The following RB1 variants were observed in gnomAD, a reference collection of about 807,000 sequenced individuals.
The protein encoded by RB1 is RB transcriptional corepressor 1, also known as retinoblastoma-associated protein.
A neutral mutation model predicts 135.4 loss-of-function variants in RB1; 18 were observed. The observed-to-expected ratio is 0.13, with a 90% CI of 0.09 to 0.20. The LOEUF (loss-of-function observed/expected upper bound fraction) is 0.20. Ranked by LOEUF, RB1 falls within the 10% of genes least tolerant of loss-of-function variation. RB1 has a pLI of 1.00. For missense variants in RB1, 868 were observed against 1,110.0 expected, an observed-to-expected ratio of 0.78 and a Z score of 3.10; for synonymous variants, 365 against 373.2, an observed-to-expected ratio of 0.98 and a Z score of 0.25.
intron 5 of RB1, 135 bp from the exon 6 acceptor site, chr13:48,348,821 C>G: frequency 1.0e-6 from 1 of 963,346 alleles, no homozygotes. Flanking sequence ...AAATGGACTG[C>G]ATTCTATTAT....
At chr13:48,356,214 A>T (rs1952589690) in intron 6 of RB1, among the ~76,000 whole-genome samples, 1 of 152,072 alleles carries the variant, frequency 6.6e-6, no homozygotes, top group Non-Finnish European at 1.5e-5. Context: ...ATTAAAATTT[A>T]AAAAATTATG....
rs114307859 is a variant in RB1 at position 48,425,210 on chromosome 13, A to G, written c.1696-27783A>G. Among the ~76,000 whole-genome samples, 960 of 152,332 alleles carry G rather than the reference A, an allele frequency of 6.3e-3. 11 individuals are homozygous for G. The highest frequency in any genetic ancestry group is 0.022 in the African/African-American group (913 of 41,572). ...AATGAAGGCTAGCCTTTACAGTTGAATACAAATTTTAAATTTCAGGTCTTG... is the reference window on the plus strand; with the variant it reads ...AATGAAGGCTAGCCTTTACAGTTGAGTACAAATTTTAAATTTCAGGTCTTG... On this transcript the variant is annotated intron_variant, in intron 17 of 26. Coordinates refer to ENST00000267163, the MANE Select transcript of RB1 (RefSeq NM_000321.3).
intron 17 of RB1, among the ~76,000 whole-genome samples, chr13:48,392,012 G>T (rs1000025805): frequency 1.3e-5 from 2 of 152,168 alleles, no homozygotes; most frequent in East Asian, 1.9e-4. Flanking sequence ...ATTTTTAAAA[G>T]GTCTTTTGCT....
At chr13:48,410,705 G>T (rs919056393) in intron 17 of RB1, among the ~76,000 whole-genome samples, 1 of 151,906 alleles carries the variant, frequency 6.6e-6, no homozygotes, top group Non-Finnish European at 1.5e-5. Flanking sequence ...TTTTGAAATT[G>T]GGTGCATTAT....
At chr13:48,339,374 G>A (rs139252308) in intron 2 of RB1, among the ~76,000 whole-genome samples, 1,692 of 152,286 alleles carry the variant, frequency 0.011, 46 homozygotes, top group African/African-American at 0.039. Flanking sequence ...CAGCAATGGC[G>A]GGCGCCCCTC....
At chr13:48,371,977 A>C (rs1952763357) in intron 11 of RB1, among the ~76,000 whole-genome samples, 1 of 152,170 alleles carries the variant, frequency 6.6e-6, no homozygotes, top group East Asian at 1.9e-4. Flanking sequence ...TGAGGGATCT[A>C]GATTGTATGC....
intron 17 of RB1, among the ~76,000 whole-genome samples, chr13:48,422,154 T>A (rs1949015866): frequency 6.6e-6 from 1 of 152,226 alleles, no homozygotes; most frequent in Non-Finnish European, 1.5e-5. Flanking sequence ...AAAGAAAATG[T>A]GGCACATATA....
chr13:48,413,841 T>A (rs970559863), intron 17 of RB1, among the ~76,000 whole-genome samples: 2 of 151,124 alleles, frequency 1.3e-5, no homozygotes, highest in Admixed American at 6.6e-5. Context: ...TTAAGCAAAA[T>A]TTTTTTAACC....
rs371337708 is a variant in RB1 at position 48,481,786 on chromosome 13, CT to C, written c.*1721del. 1 of 227,662 alleles carries C rather than the reference CT, an allele frequency of 4.4e-6. No individual in the cohort carries two copies. The highest frequency in any genetic ancestry group is 2.2e-5 in the African/African-American group (1 of 45,136). 14.1% of individuals were successfully genotyped at this position (227,662 alleles called of 1,614,324 possible). A position where few individuals can be genotyped will look rare whatever the true frequency, so the allele number is the denominator to read the frequency against. On this transcript the variant is annotated 3_prime_UTR_variant, in exon 27 of 27. Transcript: ENST00000267163. The stretch of plus-strand genomic sequence containing the variant: ...TGCTTCAGATATTATTGCTTTATTG[CT>C]TTTTTGTATTGGTTAAAACTGTACA...
chr13:48,474,344 A>G (rs893454488), intron 24 of RB1, among the ~76,000 whole-genome samples: 3 of 152,164 alleles, frequency 2.0e-5, no homozygotes, highest in African/African-American at 7.2e-5. Flanking sequence ...CCCACCAAGT[A>G]TCACCTCATT....
At chr13:48,349,536 T>C (rs1952527972) in intron 6 of RB1, among the ~76,000 whole-genome samples, 1 of 151,494 alleles carries the variant, frequency 6.6e-6, no homozygotes, top group South Asian at 2.1e-4. Context: ...AAACATACAA[T>C]GTAGACATGA....
chr13:48,370,509 G>T (rs1383377512), intron 11 of RB1, among the ~76,000 whole-genome samples: 1 of 152,138 alleles, frequency 6.6e-6, no homozygotes, highest in Non-Finnish European at 1.5e-5. Context: ...CACCTCTTAG[G>T]TTCGATTAAT....
At chr13:48,430,565 C>A (rs1356226982) in intron 17 of RB1, among the ~76,000 whole-genome samples, 4 of 151,998 alleles carry the variant, frequency 2.6e-5, no homozygotes, top group African/African-American at 9.7e-5. Context: ...CGTGGTGAAA[C>A]CCCGTCTCTA....
intron 2 of RB1, among the ~76,000 whole-genome samples, chr13:48,320,872 G>C (rs544536863): frequency 2.6e-5 from 4 of 151,808 alleles, no homozygotes; most frequent in African/African-American, 9.7e-5. Context: ...TGGTGCCCAT[G>C]AGATAAAGTC....
chr13:48,479,922 A>G (rs1468014993), intron 26 of RB1, 76 bp from the exon 27 acceptor site: 25 of 1,150,674 alleles, frequency 2.2e-5, no homozygotes, highest in Non-Finnish European at 3.1e-5. Context: ...TGACATGAGC[A>G]TAATATATAT....
At chr13:48,341,027 G>A (rs972370133) in intron 2 of RB1, 1 of 151,924 alleles carries the variant, frequency 6.6e-6, no homozygotes, top group African/African-American at 2.4e-5. Flanking sequence ...TTAAGATATA[G>A]AACTTTTTGA....
chr13:48,431,954 G>T (rs866507018), intron 17 of RB1, among the ~76,000 whole-genome samples: 1 of 152,024 alleles, frequency 6.6e-6, no homozygotes, highest in African/African-American at 2.4e-5. Context: ...TTTTCTAGGT[G>T]CTGGGAATAT....
At position 48,377,361 on chromosome 13, in the gene RB1, A is replaced by G. The variant is rs189969991; in HGVS notation, c.1332+327A>G. Among the ~76,000 whole-genome samples, 465 of 152,304 alleles carry G rather than the reference A, an allele frequency of 3.1e-3. 2 individuals carry two copies. Among genetic ancestry groups the G allele is most frequent in the African/African-American group, 0.011 (449 of 41,564 alleles). ...TACATGTATGACTGTTCATGTATGC[A>G]TATCCTAATGTGAATGGGACTATAC... On this transcript the variant is annotated intron_variant, in intron 13 of 26. Coordinates refer to ENST00000267163, the MANE Select transcript of RB1 (RefSeq NM_000321.3).
chr13:48,336,061 A>G (rs1952382449), intron 2 of RB1, among the ~76,000 whole-genome samples: 1 of 152,066 alleles, frequency 6.6e-6, no homozygotes, highest in South Asian at 2.1e-4. Flanking sequence ...ACTGAAGGAG[A>G]AAAATTGCAA....
Sources: gnomAD v4.1 joint callset for allele counts (sites outside exome capture counted in the v4.1 genomes callset) on GRCh38, gnomAD v4.1.1 for gene constraint, MANE v1.5 for transcripts, NCBI Gene and HGNC (gene_info 2026-07-23, HGNC 2026-07-21) for gene names.